Variants in FUT9 observed in about 807,000 individuals in gnomAD.
The protein encoded by FUT9 is fucosyltransferase 9, also known as 4-galactosyl-N-acetylglucosaminide 3-alpha-L-fucosyltransferase 9.
FUT9 carries 15 observed loss-of-function variants against 29.7 expected under a neutral mutation model. The observed-to-expected ratio is 0.51, with a 90% CI of 0.34 to 0.78. The LOEUF is 0.78. Among genes scored for constraint, FUT9 ranks in the 30% least tolerant of loss-of-function variants. The pLI, the probability that FUT9 is intolerant of heterozygous loss-of-function variation, is 0.01. For missense variants in FUT9, 319 were observed against 425.4 expected (o/e 0.75, Z 2.20); for synonymous variants, 169 against 153.7 (o/e 1.10, Z -0.74).
At chr6:96,177,798 T>C (rs956310403) in intron 2 of FUT9, among the ~76,000 whole-genome samples, 1 of 152,144 alleles carries the variant, frequency 6.6e-6, no homozygotes, top group African/African-American at 2.4e-5. Flanking sequence ...AAAATTATTA[T>C]CATTTTTTTA....
At position 96,033,570 on chromosome 6, in the gene FUT9, A is replaced by G. The variant is rs950075733; in HGVS notation, c.-98+17358A>G. The stretch of plus-strand genomic sequence containing the variant: ...GTCCAAATCCCTGGAAAACTGTCCA[A>G]GGTCAGTTTCCCTTCACCCTAAAAT... On this transcript the variant is annotated intron_variant, in intron 1 of 2. Transcript: ENST00000302103. Among the ~76,000 whole-genome samples the G allele has an allele frequency of 2.0e-5, 3 of 151,728 alleles. No homozygotes were observed. The East Asian group carries it at 5.8e-4, about 29-fold the overall frequency.
chr6:96,095,718 G>A (rs927342601), intron 1 of FUT9, among the ~76,000 whole-genome samples: 1 of 151,946 alleles, frequency 6.6e-6, no homozygotes, highest in Non-Finnish European at 1.5e-5. Context: ...AATTCCATTG[G>A]TGATTTCATC....
chr6:96,181,653 C>T (rs1773311326), intron 2 of FUT9, among the ~76,000 whole-genome samples: 1 of 151,874 alleles, frequency 6.6e-6, no homozygotes, highest in African/African-American at 2.4e-5. Context: ...ATTTTAGCTC[C>T]CACTTATGAG....
chr6:96,161,438 G>A (rs1042733164), intron 2 of FUT9, among the ~76,000 whole-genome samples: 4 of 152,172 alleles, frequency 2.6e-5, no homozygotes, highest in Admixed American at 2.0e-4. Context: ...TTGTTTATGA[G>A]CCACACAGTT....
intron 2 of FUT9, among the ~76,000 whole-genome samples, chr6:96,123,060 C>CAAAAAA (rs56330234): frequency 1.5e-5 from 1 of 64,998 alleles, no homozygotes; most frequent in African/African-American, 6.9e-5. Flanking sequence ...GACTCAGTCT[C>CAAAAAA]AAAAAAAAAA....
intron 2 of FUT9, among the ~76,000 whole-genome samples, chr6:96,128,651 T>C (rs1582253160): frequency 6.6e-6 from 1 of 152,284 alleles, no homozygotes; most frequent in East Asian, 1.9e-4. Context: ...AACACTTGTA[T>C]GCACCACTAA....
At chr6:96,137,546 G>A (rs531968948) in intron 2 of FUT9, among the ~76,000 whole-genome samples, 206 of 152,120 alleles carry the variant, frequency 1.4e-3, no homozygotes, top group African/African-American at 4.8e-3. Context: ...TTACAGTGGA[G>A]AAACCTGATA....
At chr6:96,094,078 A>C (rs1416603384) in intron 1 of FUT9, among the ~76,000 whole-genome samples, 2 of 152,168 alleles carry the variant, frequency 1.3e-5, no homozygotes, top group Non-Finnish European at 2.9e-5. Flanking sequence ...AAATCAAACA[A>C]GTTTTGGATA....
In FUT9 at chr6:96,054,955, C is replaced by T. The variant is rs531918113; in HGVS notation, c.-98+38743C>T. Among the ~76,000 whole-genome samples the T allele has an allele frequency of 2.6e-5, 4 of 152,192 alleles. No individual in the cohort carries two copies. The South Asian group carries it at 6.2e-4, about 24-fold the overall frequency. On this transcript the variant is annotated intron_variant, in intron 1 of 2. Coordinates refer to ENST00000302103, the MANE Select transcript of FUT9 (RefSeq NM_006581.4). ...TTTGTGTTTGTGATTTCCTTTTCTTCATTAGATTTCCAAGGATTCTTTAAA... is the reference window on the plus strand; with the variant it reads ...TTTGTGTTTGTGATTTCCTTTTCTTTATTAGATTTCCAAGGATTCTTTAAA...
chr6:96,042,090 C>G (rs775283705), intron 1 of FUT9, among the ~76,000 whole-genome samples: 7 of 152,142 alleles, frequency 4.6e-5, no homozygotes, highest in Non-Finnish European at 8.8e-5. Flanking sequence ...TTCACTCCCC[C>G]ACCATCCCGA....
intron 2 of FUT9, among the ~76,000 whole-genome samples, chr6:96,190,242 T>G (rs1455009162): frequency 6.6e-6 from 1 of 152,202 alleles, no homozygotes. Flanking sequence ...GCCCCCACTC[T>G]CTTCTGGCTT....
At position 96,209,663 on chromosome 6, in the gene FUT9, TTTAG is replaced by T. The variant is rs1180420244; in HGVS notation, c.*5432_*5435del. ...AAGCTAGATTGAGTTCATTTGAACA[TTTAG>T]TTATTTTTTAGCTCATAGTTAACAT... On this transcript the variant is annotated 3_prime_UTR_variant, in exon 3 of 3. Coordinates refer to ENST00000302103, the MANE Select transcript of FUT9 (RefSeq NM_006581.4). 6.0e-6 allele frequency: 1 copy of T among 166,814 alleles called. No homozygotes were observed. The highest frequency in any genetic ancestry group is 6.6e-5 in the Admixed American group (1 of 15,238). 10.3% of individuals were successfully genotyped at this position (166,814 alleles called of 1,614,324 possible). A position where few individuals can be genotyped will look rare whatever the true frequency, so the allele number is the denominator to read the frequency against.
chr6:96,103,070 T>C (rs1771615664), intron 1 of FUT9, among the ~76,000 whole-genome samples: 1 of 152,148 alleles, frequency 6.6e-6, no homozygotes, highest in Non-Finnish European at 1.5e-5. Context: ...CTTTCAGGAC[T>C]TCAGCATCAG....
At chr6:96,026,813 A>T (rs891776601) in intron 1 of FUT9, among the ~76,000 whole-genome samples, 1 of 151,644 alleles carries the variant, frequency 6.6e-6, no homozygotes, top group African/African-American at 2.4e-5. Context: ...CCTTTACAAC[A>T]TCATATTGGC....
chr6:96,066,209 T>C (rs190091529), intron 1 of FUT9, among the ~76,000 whole-genome samples: 181 of 152,226 alleles, frequency 1.2e-3, no homozygotes, highest in African/African-American at 4.2e-3. Context: ...TTTTAGTTTC[T>C]TTTTTCTTTC....
chr6:96,147,144 C>T (rs4132260), intron 2 of FUT9, among the ~76,000 whole-genome samples: 85,994 of 151,166 alleles, frequency 0.57, 25,346 homozygotes, highest in East Asian at 0.77. Context: ...CCTACCTGTC[C>T]AATTTTTTTT....
intron 2 of FUT9, among the ~76,000 whole-genome samples, chr6:96,185,745 C>A (rs1773394455): frequency 6.6e-6 from 1 of 152,052 alleles, no homozygotes; most frequent in South Asian, 2.1e-4. Flanking sequence ...TTGATGTATT[C>A]TCTTCTAGTG....
In FUT9 at chr6:96,203,417, A is replaced by T; in HGVS notation, c.262A>T (p.Ile88Phe). Residue 88 changes from isoleucine to phenylalanine, a missense_variant, in exon 3 of 3, where the codon ATC becomes TTC. Transcript: ENST00000302103. ...DLTSCQAMFN[I>F]QGCHLTTDRS... ...TACATCCTGCCAAGCAATGTTCAAC[A>T]TCCAAGGATGCCATCTCACAACGGA... The T allele has an allele frequency of 3.7e-6, 6 of 1,609,392 alleles. No individual in the cohort carries two copies. The highest frequency in any genetic ancestry group is 5.1e-6 in the Non-Finnish European group (6 of 1,177,010).
At chr6:96,064,664 G>T (rs1770933042) in intron 1 of FUT9, among the ~76,000 whole-genome samples, 2 of 152,058 alleles carry the variant, frequency 1.3e-5, no homozygotes, top group Non-Finnish European at 2.9e-5. Context: ...TAATCAGTTT[G>T]ATTTGTCCTC....
Sources: gnomAD v4.1 joint callset for allele counts (sites outside exome capture counted in the v4.1 genomes callset) on GRCh38, gnomAD v4.1.1 for gene constraint, MANE v1.5 for transcripts, NCBI Gene and HGNC (gene_info 2026-07-23, HGNC 2026-07-21) for gene names.